UBE2E2: variants seen among roughly 807,000 people sequenced by gnomAD.
The protein encoded by UBE2E2 is ubiquitin-conjugating enzyme E2 E2.
UBE2E2 carries 6 observed loss-of-function variants against 24.7 expected under a neutral mutation model. That is an observed-to-expected ratio of 0.24 (90% CI 0.13 to 0.48). The LOEUF (loss-of-function observed/expected upper bound fraction) is 0.48, where lower values mean the gene tolerates loss of function less well. Among genes scored for constraint, UBE2E2 ranks in the 20% least tolerant of loss-of-function variants. The pLI, the probability that UBE2E2 is intolerant of heterozygous loss-of-function variation, is 0.99. For missense variants in UBE2E2, 169 were observed against 245.0 expected, an observed-to-expected ratio of 0.69 and a Z score of 2.07; for synonymous variants, 104 against 83.6, an observed-to-expected ratio of 1.24 and a Z score of -1.33.
Position 23,590,000 on chromosome 3 carries a change from C to A in UBE2E2, c.*169C>A. The A allele has an allele frequency of 2.9e-5, 16 of 559,598 alleles. No homozygotes were observed. The highest frequency in any genetic ancestry group is 9.1e-5 in the Admixed American group (3 of 32,966). 34.7% of individuals were successfully genotyped at this position (559,598 alleles called of 1,614,324 possible). A position where few individuals can be genotyped will look rare whatever the true frequency, so the allele number is the denominator to read the frequency against. ...TCTTCCCATCCCAGTTCTTCCTGCC[C>A]CCCTTCCTCTCTCCCACGCTCTCTT... On this transcript the variant is annotated 3_prime_UTR_variant, in exon 6 of 6. Transcript: ENST00000396703. This position sits in a 1 kb window ranked among gnomAD's most constrained non-coding sequence, Gnocchi z 4.1.
At chr3:23,240,973 G>A (rs1156651773) in intron 3 of UBE2E2, among the ~76,000 whole-genome samples, 1 of 152,124 alleles carries the variant, frequency 6.6e-6, no homozygotes, top group Non-Finnish European at 1.5e-5. Context: ...TAGGCTGTCT[G>A]TAAAATCTTC....
chr3:23,303,940 T>G (rs1476623783), intron 3 of UBE2E2, among the ~76,000 whole-genome samples: 1 of 152,226 alleles, frequency 6.6e-6, no homozygotes, highest in Non-Finnish European at 1.5e-5. Flanking sequence ...TAGTCTTACC[T>G]GAATTCTCTC....
intron 3 of UBE2E2, among the ~76,000 whole-genome samples, chr3:23,249,240 C>T (rs567066543): frequency 2.0e-5 from 3 of 150,854 alleles, no homozygotes; most frequent in Admixed American, 6.6e-5. Context: ...CCACCACACC[C>T]CAGCCTGGGC....
In UBE2E2 at chr3:23,426,051, A is replaced by G. The variant is rs142414926; in HGVS notation, c.228-73557A>G. 9.8e-5 allele frequency among the ~76,000 whole-genome samples: 15 copies of G among 152,340 alleles called. No homozygotes were observed. The East Asian group carries it at 2.7e-3, about 27-fold the overall frequency. On this transcript the variant is annotated intron_variant, in intron 3 of 5. Coordinates refer to ENST00000396703, the MANE Select transcript of UBE2E2 (RefSeq NM_152653.4). ...AATGTAAGCAGAGAGGTGGAATTCTAAGAAAGAATCAAAAAGAAATGCCAA... is the reference window on the plus strand; with the variant it reads ...AATGTAAGCAGAGAGGTGGAATTCTGAGAAAGAATCAAAAAGAAATGCCAA...
At chr3:23,355,620 T>C (rs1695922580) in intron 3 of UBE2E2, among the ~76,000 whole-genome samples, 1 of 152,192 alleles carries the variant, frequency 6.6e-6, no homozygotes, top group Non-Finnish European at 1.5e-5. Context: ...TTACTTTTTT[T>C]TGTTTGTTTG....
Position 23,407,777 on chromosome 3 carries a change from G to A in UBE2E2, c.228-91831G>A, listed in dbSNP as rs1467274543. Among the ~76,000 whole-genome samples the A allele has an allele frequency of 1.3e-5, 2 of 151,734 alleles. No individual in the cohort carries two copies. The highest frequency in any genetic ancestry group is 6.6e-5 in the Admixed American group (1 of 15,220). Reference sequence around the variant, plus strand: ...AATAAAACCTAAAACTTTGAGGTCTGTTACCTCTGCCTCTGCTTACCCTTC... The same window carrying A: ...AATAAAACCTAAAACTTTGAGGTCTATTACCTCTGCCTCTGCTTACCCTTC... On this transcript the variant is annotated intron_variant, in intron 3 of 5. Coordinates refer to ENST00000396703, the MANE Select transcript of UBE2E2 (RefSeq NM_152653.4). The surrounding 1 kb of genome is among the most constrained non-coding windows in gnomAD (Gnocchi z 4.0).
chr3:23,498,596 A>G (rs1217731438), intron 3 of UBE2E2, among the ~76,000 whole-genome samples: 1 of 152,192 alleles, frequency 6.6e-6, no homozygotes, highest in Non-Finnish European at 1.5e-5. Flanking sequence ...CTTTTCAATA[A>G]GTTTTATATA....
intron 3 of UBE2E2, among the ~76,000 whole-genome samples, chr3:23,337,644 CG>C (rs947340314): frequency 6.6e-6 from 1 of 151,844 alleles, no homozygotes; most frequent in African/African-American, 2.4e-5. Context: ...AGGACTAAGG[CG>C]GGGATGTAGG....
At chr3:23,340,939 A>T (rs1020101423) in intron 3 of UBE2E2, among the ~76,000 whole-genome samples, 1 of 152,172 alleles carries the variant, frequency 6.6e-6, no homozygotes, top group Non-Finnish European at 1.5e-5. Flanking sequence ...CCCACCAGGA[A>T]TGAGGCACCA....
chr3:23,271,228 A>C lies in UBE2E2; in HGVS notation c.227+53916A>C, dbSNP rs765798462. 424 of 366,612 alleles carry C rather than the reference A, an allele frequency of 1.2e-3. 10 individuals are homozygous for C. The highest frequency in any genetic ancestry group is 2.8e-4 in the Non-Finnish European group (53 of 189,684). 22.7% of individuals were successfully genotyped at this position (366,612 alleles called of 1,614,324 possible). A position where few individuals can be genotyped will look rare whatever the true frequency, so the allele number is the denominator to read the frequency against. On this transcript the variant is annotated intron_variant, in intron 3 of 5. Coordinates refer to ENST00000396703, the MANE Select transcript of UBE2E2 (RefSeq NM_152653.4). Reference sequence around the variant, plus strand: ...AATGAAGCCACGGACCCTCGCGGTGAGTGTTACAGTTCTTAAAGATGGTGT... The same window carrying C: ...AATGAAGCCACGGACCCTCGCGGTGCGTGTTACAGTTCTTAAAGATGGTGT...
intron 3 of UBE2E2, among the ~76,000 whole-genome samples, chr3:23,237,700 G>C (rs949492035): frequency 6.6e-6 from 1 of 151,938 alleles, no homozygotes; most frequent in Admixed American, 6.6e-5. Context: ...TTAGTATGAG[G>C]CACTTTTGCT....
At chr3:23,584,206 G>A (rs115438235) in intron 5 of UBE2E2, among the ~76,000 whole-genome samples, 1 of 152,182 alleles carries the variant, frequency 6.6e-6, no homozygotes, top group Non-Finnish European at 1.5e-5. Flanking sequence ...TTTATGCAAT[G>A]AATCACATTT....
intron 3 of UBE2E2, among the ~76,000 whole-genome samples, chr3:23,222,359 A>G (rs1696672741): frequency 6.6e-6 from 1 of 152,124 alleles, no homozygotes; most frequent in Non-Finnish European, 1.5e-5. Context: ...TTTTTGATAT[A>G]TACTGATATG....
rs555164329 is a variant in UBE2E2 at position 23,382,896 on chromosome 3, T to G, written c.228-116712T>G. On this transcript the variant is annotated intron_variant, in intron 3 of 5. Coordinates refer to ENST00000396703, the MANE Select transcript of UBE2E2 (RefSeq NM_152653.4). The stretch of plus-strand genomic sequence containing the variant: ...AAAAATCAAATTGTGAAAAGGTTAG[T>G]TTTTTTTTTGTACCAAGGAGGTAAG... Among the ~76,000 whole-genome samples, 7 of 144,136 alleles carry G rather than the reference T, an allele frequency of 4.9e-5. No individual in the cohort carries two copies. The South Asian group carries it at 1.5e-3, about 31-fold the overall frequency. 94.6% of individuals were successfully genotyped at this position (144,136 alleles called of 152,430 possible).
chr3:23,223,630 T>A (rs561041481), intron 3 of UBE2E2, among the ~76,000 whole-genome samples: 1 of 152,338 alleles, frequency 6.6e-6, no homozygotes, highest in South Asian at 2.1e-4. Context: ...GTGTGTTGTC[T>A]CTTCACTTTG....
At chr3:23,451,345 G>T (rs1037926319) in intron 3 of UBE2E2, among the ~76,000 whole-genome samples, 1 of 152,166 alleles carries the variant, frequency 6.6e-6, no homozygotes, top group Non-Finnish European at 1.5e-5. Context: ...AATAGAGGTA[G>T]TACTTACCTA....
Position 23,464,199 on chromosome 3 carries a change from C to A in UBE2E2, c.228-35409C>A, listed in dbSNP as rs915269713. Among the ~76,000 whole-genome samples, 2 of 152,082 alleles carry A rather than the reference C, an allele frequency of 1.3e-5. 1 individual carries two copies. Among genetic ancestry groups the A allele is most frequent in the African/African-American group, 4.8e-5 (2 of 41,418 alleles). On this transcript the variant is annotated intron_variant, in intron 3 of 5. Transcript: ENST00000396703. ...TGACCCCCGAAATCAACAGTATTGT[C>A]AAAGTATTTTACGGTAGATTGGCTG...
At chr3:23,557,011 A>T (rs1471958834) in intron 5 of UBE2E2, among the ~76,000 whole-genome samples, 3 of 152,196 alleles carry the variant, frequency 2.0e-5, no homozygotes, top group Non-Finnish European at 4.4e-5. Context: ...CTCATCACAG[A>T]CATATCACCA....
intron 3 of UBE2E2, among the ~76,000 whole-genome samples, chr3:23,410,500 A>G (rs1211788789): frequency 6.6e-6 from 1 of 152,190 alleles, no homozygotes; most frequent in African/African-American, 2.4e-5. Context: ...GCATGTTTTT[A>G]TGAATGTTCT....
Sources: allele counts gnomAD v4.1 joint callset (sites outside exome capture counted in the v4.1 genomes callset), GRCh38; gene constraint gnomAD v4.1.1; non-coding constraint Gnocchi (gnomAD v3.1); transcripts MANE v1.5; gene names NCBI Gene and HGNC (gene_info 2026-07-23, HGNC 2026-07-21).